The following TOM1L2 variants were observed in gnomAD, a reference collection of about 807,000 sequenced individuals.
TOM1L2 encodes the protein TOM1-like protein 2.
Under a neutral mutation model 67.9 loss-of-function variants are expected in TOM1L2, and 31 were observed. That is an observed-to-expected ratio of 0.46 (90% CI 0.34 to 0.62). TOM1L2 has a LOEUF of 0.62. Ranked by LOEUF, TOM1L2 falls within the 20% of genes least tolerant of loss-of-function variation. The pLI is 0.01. For missense variants in TOM1L2, 606 were observed against 663.5 expected, an observed-to-expected ratio of 0.91 and a Z score of 0.95; for synonymous variants, 256 against 254.0, an observed-to-expected ratio of 1.01 and a Z score of -0.07.
intron 1 of TOM1L2, among the ~76,000 whole-genome samples, chr17:17,953,676 C>A (rs753110590): frequency 6.6e-6 from 1 of 152,238 alleles, no homozygotes; most frequent in Non-Finnish European, 1.5e-5. Flanking sequence ...CAGCCCAACA[C>A]ACATGAAGAC....
intron 9 of TOM1L2, 56 bp from the exon 10 acceptor site, chr17:17,866,475 G>A (rs1004064749): frequency 7.9e-6 from 12 of 1,512,944 alleles, no homozygotes; most frequent in Non-Finnish European, 1.1e-5. Context: ...AGGCTCTGAG[G>A]TAGAAGCTGG....
chr17:17,847,477 C>G lies in TOM1L2; in HGVS notation c.*158G>C, dbSNP rs1192792512. On this transcript the variant is annotated 3_prime_UTR_variant, in exon 15 of 15. Transcript: ENST00000379504. ...AGAAAAGAAGTGGCTGAAGCTGGTC[C>G]TGACTAGTGGGAGGCCTGGGAGCAG... The G allele has an allele frequency of 7.3e-6, 7 of 962,440 alleles. No homozygotes were observed. Among genetic ancestry groups the G allele is most frequent in the Non-Finnish European group, 1.1e-5 (7 of 665,934 alleles). The allele number at this position is 962,440 out of a possible 1,614,324, so 59.6% of individuals were successfully genotyped here. A position where few individuals can be genotyped will look rare whatever the true frequency, so the allele number is the denominator to read the frequency against.
chr17:17,881,795 G>T (rs536387059), intron 6 of TOM1L2, among the ~76,000 whole-genome samples: 6 of 152,192 alleles, frequency 3.9e-5, no homozygotes, highest in Non-Finnish European at 8.8e-5. Flanking sequence ...TCCCTGCTCA[G>T]AGCTAGCAGG....
At chr17:17,950,508 G>A (rs1015546466) in intron 1 of TOM1L2, among the ~76,000 whole-genome samples, 4 of 151,454 alleles carry the variant, frequency 2.6e-5, no homozygotes, top group African/African-American at 7.3e-5. Context: ...TACCAAGGCC[G>A]GCCTCAAGCT....
intron 1 of TOM1L2, among the ~76,000 whole-genome samples, chr17:17,917,450 C>CTTTTTT (rs71155307): frequency 2.7e-5 from 1 of 36,364 alleles, no homozygotes. Context: ...TACCATTGGT[C>CTTTTTT]TTTTTTTTTT....
At chr17:17,857,998 T>A (rs2036339384) in intron 12 of TOM1L2, 5 of 703,108 alleles carry the variant, frequency 7.1e-6, no homozygotes, top group Non-Finnish European at 7.2e-6. Context: ...CCCCAGCACG[T>A]CCCCCTTACC....
chr17:17,910,295 C>T (rs1311071678), intron 1 of TOM1L2, among the ~76,000 whole-genome samples: 4 of 152,206 alleles, frequency 2.6e-5, no homozygotes, highest in African/African-American at 7.2e-5. Flanking sequence ...TGACTCCCTT[C>T]CCCCTCTGGG....
At chr17:17,908,279 T>C (rs2039185802) in intron 1 of TOM1L2, among the ~76,000 whole-genome samples, 1 of 152,214 alleles carries the variant, frequency 6.6e-6, no homozygotes. Flanking sequence ...GGACCCTTTA[T>C]CTTACACCAT....
intron 12 of TOM1L2, among the ~76,000 whole-genome samples, chr17:17,857,077 C>T (rs1051166664): frequency 3.9e-5 from 6 of 152,226 alleles, no homozygotes; most frequent in Non-Finnish European, 7.3e-5. Context: ...GCTTCAGCCT[C>T]CCAAGTAGTT....
At chr17:17,929,155 T>C (rs529332153) in intron 1 of TOM1L2, among the ~76,000 whole-genome samples, 2 of 152,328 alleles carry the variant, frequency 1.3e-5, no homozygotes, top group South Asian at 2.1e-4. Flanking sequence ...CAAGCCAGAA[T>C]GCAGTCGGGA....
At chr17:17,954,982 C>T (rs900852803) in intron 1 of TOM1L2, among the ~76,000 whole-genome samples, 9 of 152,184 alleles carry the variant, frequency 5.9e-5, no homozygotes, top group East Asian at 1.9e-4. Context: ...TTTGCTGTTG[C>T]TCACCCTAGA....
At chr17:17,890,653 A>G (rs2038228043) in intron 4 of TOM1L2, among the ~76,000 whole-genome samples, 1 of 152,140 alleles carries the variant, frequency 6.6e-6, no homozygotes, top group African/African-American at 2.4e-5. Context: ...GCAACAGAGC[A>G]CTCTGGATGA....
intron 1 of TOM1L2, among the ~76,000 whole-genome samples, chr17:17,911,972 T>C (rs1458069128): frequency 6.7e-6 from 1 of 148,402 alleles, no homozygotes; most frequent in Non-Finnish European, 1.5e-5. Flanking sequence ...GGGTTGGGGG[T>C]AAGGTCACAG....
chr17:17,909,112 C>T (rs530170514), intron 1 of TOM1L2, among the ~76,000 whole-genome samples: 42 of 152,220 alleles, frequency 2.8e-4, no homozygotes, highest in Non-Finnish European at 5.6e-4. Flanking sequence ...ACCCAGGAGG[C>T]GGAGCTTGCA....
Position 17,972,347 on chromosome 17 carries a change from C to G in TOM1L2, c.-34G>C, listed in dbSNP as rs1200324876. ...GACAACACGCAGCGGCCCGGGCCCC[C>G]TGTCTGCCACCTAGGCCTCCGCTGT... is the stretch of plus-strand genomic sequence containing the variant. On this transcript the variant is annotated 5_prime_UTR_variant, in exon 1 of 15. Coordinates refer to ENST00000379504, the MANE Select transcript of TOM1L2 (RefSeq NM_001082968.2). 2 of 1,548,864 alleles carry G rather than the reference C, an allele frequency of 1.3e-6. No homozygotes were observed. The highest frequency in any genetic ancestry group is 2.4e-5 in the South Asian group (2 of 83,970).
At chr17:17,933,493 C>T (rs1310115927) in intron 1 of TOM1L2, among the ~76,000 whole-genome samples, 1 of 152,194 alleles carries the variant, frequency 6.6e-6, no homozygotes, top group Admixed American at 6.5e-5. Context: ...ACTGCAATTA[C>T]AGATGAGGTT....
intron 1 of TOM1L2, among the ~76,000 whole-genome samples, chr17:17,950,541 C>A (rs1446947830): frequency 1.3e-5 from 2 of 152,062 alleles, no homozygotes; most frequent in African/African-American, 4.8e-5. Context: ...TGGCATGGCA[C>A]TGCACCTGGT....
At chr17:17,874,627 T>C (rs1175754227) in intron 7 of TOM1L2, among the ~76,000 whole-genome samples, 3 of 152,348 alleles carry the variant, frequency 2.0e-5, no homozygotes, top group South Asian at 2.1e-4. Context: ...GGCTCTAACA[T>C]TGTGACCTCA....
intron 1 of TOM1L2, among the ~76,000 whole-genome samples, chr17:17,917,165 AT>A (rs1044369314): frequency 4.0e-5 from 6 of 151,854 alleles, no homozygotes; most frequent in African/African-American, 1.5e-4. Flanking sequence ...ATCTAAAAAA[AT>A]TAAAAAATTT....
Sources: gnomAD v4.1 joint callset for allele counts (sites outside exome capture counted in the v4.1 genomes callset) on GRCh38, gnomAD v4.1.1 for gene constraint, MANE v1.5 for transcripts, NCBI Gene and HGNC (gene_info 2026-07-23, HGNC 2026-07-21) for gene names.